Variants in HCN2 observed in about 807,000 individuals in gnomAD.
HCN2 encodes the protein hyperpolarization activated cyclic nucleotide gated potassium and sodium channel 2.
A neutral mutation model predicts 52.3 loss-of-function variants in HCN2; 20 were observed. The observed-to-expected ratio is 0.38, with a 90% confidence interval of 0.27 to 0.56. HCN2 has a LOEUF of 0.56. Ranked by LOEUF, HCN2 falls within the 20% of genes least tolerant of loss-of-function variation. The pLI is 0.71. For missense variants in HCN2, 981 were observed against 1,207.7 expected, an observed-to-expected ratio of 0.81 and a Z score of 2.78; for synonymous variants, 694 against 537.0, an observed-to-expected ratio of 1.29 and a Z score of -4.04.
intron 1 of HCN2, among the ~76,000 whole-genome samples, chr19:596,559 G>T (rs763648842): frequency 1.3e-5 from 2 of 152,200 alleles, no homozygotes; most frequent in Non-Finnish European, 2.9e-5. Context: ...TACCTGTCGG[G>T]GATGGGTTTT....
intron 1 of HCN2, among the ~76,000 whole-genome samples, chr19:601,080 C>T (rs1229720936): frequency 6.6e-6 from 1 of 152,132 alleles, no homozygotes; most frequent in South Asian, 2.1e-4. Context: ...TTTGCGAGGC[C>T]TAGGCAGAAG....
At chr19:594,655 C>G (rs907528453) in intron 1 of HCN2, among the ~76,000 whole-genome samples, 1 of 152,158 alleles carries the variant, frequency 6.6e-6, no homozygotes, top group Admixed American at 6.5e-5. Context: ...AGTGATGAAT[C>G]CCAGCATTAG....
In HCN2 at chr19:610,241, C is replaced by A. The variant is rs751480058; in HGVS notation, c.1438-18C>A. The A allele has an allele frequency of 6.2e-7, 1 of 1,607,812 alleles. No individual in the cohort carries two copies. Among genetic ancestry groups the A allele is most frequent in the Non-Finnish European group, 8.5e-7 (1 of 1,177,610 alleles). On this transcript the variant is annotated intron_variant, in intron 4 of 7. Transcript: ENST00000251287. ...GGCCGGGGGCGGTGTCTGACCCAGC[C>A]TCGCCTCCTCCCCACAGTACAAGCA...
At chr19:604,973 T>C (rs1472938921) in intron 2 of HCN2, 88 bp from the exon 3 acceptor site, 4 of 1,285,914 alleles carry the variant, frequency 3.1e-6, no homozygotes, top group African/African-American at 4.4e-5. Context: ...GGCCAGGAGC[T>C]CCCGCAGTGG....
chr19:591,576 AGTGGGGTGTGAG>A lies in HCN2; in HGVS notation c.632+1010_632+1021del, dbSNP rs771580985. On this transcript the variant is annotated intron_variant, in intron 1 of 7. Transcript: ENST00000251287. This position sits in a 1 kb window ranked among gnomAD's most constrained non-coding sequence, Gnocchi z 4.1. ...ATGCGTGTGTGTTTGTGTATCCACG[AGTGGGGTGTGAG>A]GTGGGGTGTGGAGGGTGCAGGTGGA... Among the ~76,000 whole-genome samples the A allele has an allele frequency of 1.3e-5, 2 of 151,620 alleles. No homozygotes were observed. Among genetic ancestry groups the A allele is most frequent in the African/African-American group, 2.4e-5 (1 of 41,196 alleles).
chr19:614,919 T>C (rs928543982), intron 7 of HCN2, among the ~76,000 whole-genome samples: 1 of 152,002 alleles, frequency 6.6e-6, no homozygotes, highest in African/African-American at 2.4e-5. Context: ...ATGAAGACCA[T>C]GGCTGAAACG....
In HCN2 at chr19:617,027, G is replaced by C. The variant is rs1248102304; in HGVS notation, c.*553G>C. ...CAGGCCTGGCTGCGCAGGGCGCGGG[G>C]GGGAGGCTGGGGTCCCGCCGCCGTG... On this transcript the variant is annotated 3_prime_UTR_variant, in exon 8 of 8. Coordinates refer to ENST00000251287, the MANE Select transcript of HCN2 (RefSeq NM_001194.4). 1 of 528,776 alleles carries C rather than the reference G, an allele frequency of 1.9e-6. No homozygotes were observed. The highest frequency in any genetic ancestry group is 2.0e-5 in the South Asian group (1 of 50,028). The allele number at this position is 528,776 out of a possible 1,614,324, so 32.8% of individuals were successfully genotyped here.
chr19:596,425 C>T (rs1333820735), intron 1 of HCN2, among the ~76,000 whole-genome samples: 1 of 152,172 alleles, frequency 6.6e-6, no homozygotes, highest in Non-Finnish European at 1.5e-5. Flanking sequence ...AAGGTTTCCC[C>T]AGGGACCCAG....
At chr19:597,965 C>A (rs932241106) in intron 1 of HCN2, among the ~76,000 whole-genome samples, 1 of 152,200 alleles carries the variant, frequency 6.6e-6, no homozygotes, top group Non-Finnish European at 1.5e-5. Context: ...GGCCCTGTGG[C>A]CTTCTCAACT....
chr19:616,198 GC>G lies in HCN2; in HGVS notation c.2397del (p.Ala800ProfsTer14). 1 of 981,990 alleles carries G rather than the reference GC, an allele frequency of 1.0e-6. No individual in the cohort carries two copies. The highest frequency in any genetic ancestry group is 1.2e-6 in the Non-Finnish European group (1 of 829,070). The allele number at this position is 981,990 out of a possible 1,614,324, so 60.8% of individuals were successfully genotyped here. Reference protein sequence around the residue: ...APRTSPYGGLPAAPLAGPALP... With the variant: ...APRTSPYGGLXAAPLAGPALP... ...CGCGGACCTCGCCCTACGGCGGCCTGCCCGCCGCCCCCCTTGCTGGGCCCGC... is the reference window on the plus strand; with the variant it reads ...CGCGGACCTCGCCCTACGGCGGCCTGCCGCCGCCCCCCTTGCTGGGCCCGC... On this transcript the variant is annotated frameshift_variant, in exon 8 of 8. Transcript: ENST00000251287. LOFTEE classifies it low-confidence loss of function (END_TRUNC).
intron 4 of HCN2, among the ~76,000 whole-genome samples, chr19:610,001 C>CGGA (rs1367459827): frequency 1.3e-5 from 2 of 152,220 alleles, no homozygotes; most frequent in Admixed American, 6.5e-5. Context: ...CTGTGTGTGG[C>CGGA]GGAGGCCTGT....
At chr19:599,490 C>T (rs936972547) in intron 1 of HCN2, among the ~76,000 whole-genome samples, 6 of 152,048 alleles carry the variant, frequency 3.9e-5, no homozygotes, top group African/African-American at 1.2e-4. Context: ...GATAAGGCCT[C>T]AAGAATTGGC....
At position 592,379 on chromosome 19, in the gene HCN2, G is replaced by T. The variant is rs1472457441; in HGVS notation, c.632+1802G>T. On this transcript the variant is annotated intron_variant, in intron 1 of 7. Transcript: ENST00000251287. This position sits in a 1 kb window ranked among gnomAD's most constrained non-coding sequence, Gnocchi z 4.8. ...GGTCGGTGGCCTGGGGGGCAGGTGG[G>T]CAGATGGCTGATCCCGGGGCTTGGG... Among the ~76,000 whole-genome samples, 1 of 152,224 alleles carries T rather than the reference G, an allele frequency of 6.6e-6. No individual in the cohort carries two copies. Among genetic ancestry groups the T allele is most frequent in the Non-Finnish European group, 1.5e-5 (1 of 68,028 alleles).
rs948679757 is a variant in HCN2, at chr19:610,341, G to C, written c.1520G>C (p.Arg507Pro). The C allele has an allele frequency of 6.2e-7, 1 of 1,613,808 alleles. No individual in the cohort carries two copies. The highest frequency in any genetic ancestry group is 8.5e-7 in the Non-Finnish European group (1 of 1,179,798). The change falls in exon 5 of 8, where the codon CGT (arginine) becomes CCT (proline). Residue 507 changes from arginine to proline, a missense_variant. By Grantham distance (103) the Arg-to-Pro change is moderately radical (BLOSUM62 -2). Transcript: ENST00000251287. ...AAGATCCACGACTACTATGAGCACC[G>C]TTACCAGGGCAAGATGTTTGACGAG... The part of the protein sequence containing the change: ...RQKIHDYYEH[R>P]YQGKMFDEDS...
At chr19:601,302 G>A (rs1330654429) in intron 1 of HCN2, among the ~76,000 whole-genome samples, 1 of 152,170 alleles carries the variant, frequency 6.6e-6, no homozygotes, top group Admixed American at 6.5e-5. Flanking sequence ...GACAGGGTGA[G>A]ACTCCGTCTC....
chr19:601,572 TGTC>T (rs1456226289), intron 1 of HCN2, among the ~76,000 whole-genome samples: 6 of 151,982 alleles, frequency 3.9e-5, no homozygotes, highest in African/African-American at 1.5e-4. Context: ...GTGGGGTGGT[TGTC>T]GTCCGCAATC....
rs188542948 is a variant in HCN2, at chr19:592,619, G to A, written c.632+2042G>A. Among the ~76,000 whole-genome samples the A allele has an allele frequency of 2.6e-5, 4 of 152,210 alleles. No homozygotes were observed. Among genetic ancestry groups the A allele is most frequent in the Non-Finnish European group, 4.4e-5 (3 of 67,998 alleles). On this transcript the variant is annotated intron_variant, in intron 1 of 7. Transcript: ENST00000251287. This position sits in a 1 kb window ranked among gnomAD's most constrained non-coding sequence, Gnocchi z 4.8. ...AATGGGGTTAGCGGGGCCTGTCTTCGGGACTAGGGGAGTCACGGCAGTCAG... is the reference window on the plus strand; with the variant it reads ...AATGGGGTTAGCGGGGCCTGTCTTCAGGACTAGGGGAGTCACGGCAGTCAG...
chr19:615,441 G>A (rs528700363), intron 7 of HCN2, among the ~76,000 whole-genome samples: 10 of 152,332 alleles, frequency 6.6e-5, no homozygotes, highest in African/African-American at 2.2e-4. Flanking sequence ...GTGAACCCGG[G>A]AGGTGGACCT....
chr19:616,073 C>G lies in HCN2; in HGVS notation c.2269C>G (p.Leu757Val), dbSNP rs937995425. 2 of 1,101,554 alleles carry G rather than the reference C, an allele frequency of 1.8e-6. No homozygotes were observed. Among genetic ancestry groups the G allele is most frequent in the Admixed American group, 5.2e-5 (1 of 19,196 alleles). 68.2% of individuals were successfully genotyped at this position (1,101,554 alleles called of 1,614,324 possible). The change falls in exon 8 of 8, where the codon CTC becomes GTC. Residue 757 changes from leucine to valine, a missense_variant. Coordinates refer to ENST00000251287, the MANE Select transcript of HCN2 (RefSeq NM_001194.4). Reference sequence around the variant, plus strand: ...GCCGCTGGCGCTCGGCTCGCCGCGCCTCGTGCGCCGCCCGCCCCCGGGGCC... The same window carrying G: ...GCCGCTGGCGCTCGGCTCGCCGCGCGTCGTGCGCCGCCCGCCCCCGGGGCC... ...VGPLALGSPR[L>V]VRRPPPGPAP...
Sources: allele counts gnomAD v4.1 joint callset (sites outside exome capture counted in the v4.1 genomes callset), GRCh38; gene constraint gnomAD v4.1.1; non-coding constraint Gnocchi (gnomAD v3.1); transcripts MANE v1.5; gene names NCBI Gene and HGNC (gene_info 2026-07-23, HGNC 2026-07-21).